Variants in BMP1 observed in about 807,000 individuals in gnomAD.
BMP1 encodes mammalian tolloid protein.
Under a neutral mutation model 116.8 loss-of-function variants are expected in BMP1, and 63 were observed. The observed-to-expected ratio is 0.54, with a 90% CI of 0.44 to 0.67. The LOEUF is 0.67. Among genes scored for constraint, BMP1 ranks in the 30% least tolerant of loss-of-function variants. BMP1 has a pLI of 0.00. For synonymous variants in BMP1, 536 were observed against 533.4 expected (o/e 1.00, Z -0.07); for missense variants, 1,183 against 1,358.9 (o/e 0.87, Z 2.04).
At chr8:22,195,868 C>CA (rs1339869370) in intron 13 of BMP1, among the ~76,000 whole-genome samples, 1 of 152,022 alleles carries the variant, frequency 6.6e-6, no homozygotes, top group East Asian at 1.9e-4. Context: ...AGGCTTGTCT[C>CA]AAACTCCTGG....
chr8:22,173,725 G>A lies in BMP1; in HGVS notation c.262+10G>A. 1.2e-6 allele frequency: 2 copies of A among 1,600,732 alleles called. No individual in the cohort carries two copies. Among genetic ancestry groups the A allele is most frequent in the Non-Finnish European group, 1.7e-6 (2 of 1,171,268 alleles). On this transcript the variant is annotated intron_variant, in intron 2 of 19. Transcript: ENST00000306385. ...TCCATCAAAGCTGCAGGTAAGCCGG[G>A]TGCCAATGGGCCCTCTGTGTCCTAG...
rs117963520 is a variant in BMP1 at position 22,181,560 on chromosome 8, T to C, written c.1077+1077T>C. 6.7e-3 allele frequency among the ~76,000 whole-genome samples: 1,025 copies of C among 152,156 alleles called. 20 individuals are homozygous for C. The East Asian group carries it at 0.076, about 11-fold the overall frequency. On this transcript the variant is annotated intron_variant, in intron 8 of 19. Coordinates refer to ENST00000306385, the MANE Select transcript of BMP1 (RefSeq NM_006129.5). ...CTGTTCTCTAGCCAGCTCTTTTTTTTTTTTTTTCTTGAGACAGAATCTCAC... is the reference window on the plus strand; with the variant it reads ...CTGTTCTCTAGCCAGCTCTTTTTTTCTTTTTTTCTTGAGACAGAATCTCAC...
In BMP1 at chr8:22,211,972, C is replaced by T. The variant is rs563822516; in HGVS notation, c.*244C>T. On this transcript the variant is annotated 3_prime_UTR_variant, in exon 20 of 20. Coordinates refer to ENST00000306385, the MANE Select transcript of BMP1 (RefSeq NM_006129.5). Reference sequence around the variant, plus strand: ...GGAGCAGAGCTTCCACAAGACATTTCGAAGTCATCATTCCTCTCTTAGGGG... The same window carrying T: ...GGAGCAGAGCTTCCACAAGACATTTTGAAGTCATCATTCCTCTCTTAGGGG... 13 of 573,912 alleles carry T rather than the reference C, an allele frequency of 2.3e-5. No individual in the cohort carries two copies. Among genetic ancestry groups the T allele is most frequent in the Middle Eastern group, 4.8e-4 (1 of 2,080 alleles). 35.6% of individuals were successfully genotyped at this position (573,912 alleles called of 1,614,324 possible).
chr8:22,165,926 T>TGTGTGTGTGTGTGG (rs56227111), intron 1 of BMP1, among the ~76,000 whole-genome samples: 1 of 149,492 alleles, frequency 6.7e-6, no homozygotes, highest in African/African-American at 2.5e-5. Context: ...TGTGTGTGTG[T>TGTGTGTGTGTGTGG]TCTTTCCCCT....
chr8:22,187,524 T>G (rs71513867), intron 8 of BMP1, among the ~76,000 whole-genome samples: 6 of 133,510 alleles, frequency 4.5e-5, no homozygotes, highest in African/African-American at 1.8e-4. Context: ...TTTTTTTTTG[T>G]ATTTTTAGTA....
chr8:22,201,416 GGT>G, intron 15 of BMP1: 2 of 1,426,900 alleles, frequency 1.4e-6, no homozygotes, highest in Non-Finnish European at 1.8e-6. Context: ...CCATTTTGAT[GGT>G]GTCTGTGACA....
chr8:22,196,929 G>T lies in BMP1; in HGVS notation c.1926+89G>T, dbSNP rs372074562. 2.3e-4 allele frequency: 333 copies of T among 1,445,858 alleles called. 2 individuals are homozygous for T. In the Middle Eastern group the frequency reaches 5.0e-3, roughly 22 times the overall value. 89.6% of individuals were successfully genotyped at this position (1,445,858 alleles called of 1,614,324 possible). A position where few individuals can be genotyped will look rare whatever the true frequency, so the allele number is the denominator to read the frequency against. ...GCCTGCTTCCTGTCCTCTGAGAGGG[G>T]GCCCGGCAGAAACACTCTGCAAATA... On this transcript the variant is annotated intron_variant, in intron 14 of 19. Coordinates refer to ENST00000306385, the MANE Select transcript of BMP1 (RefSeq NM_006129.5).
At chr8:22,175,105 A>T (rs554552734) in intron 2 of BMP1, among the ~76,000 whole-genome samples, 51 of 152,262 alleles carry the variant, frequency 3.3e-4, no homozygotes, top group African/African-American at 1.2e-3. Context: ...GGCTCATGTG[A>T]CCTTAGTGGG....
intron 15 of BMP1, 43 bp from the exon 16 acceptor site, chr8:22,201,760 C>T (rs374769127): frequency 1.7e-5 from 28 of 1,608,206 alleles, no homozygotes; most frequent in Admixed American, 1.7e-5. Flanking sequence ...CCAACCTCAG[C>T]CCTGCACAGA....
intron 6 of BMP1, 88 bp downstream of exon 6, chr8:22,178,045 G>A (rs1391939301): frequency 4.3e-5 from 49 of 1,128,520 alleles, no homozygotes; most frequent in Non-Finnish European, 6.1e-5. Context: ...CCCACTTCTG[G>A]GGCAGTGACC....
At chr8:22,209,762 C>T (rs986720322) in intron 19 of BMP1, 67 bp downstream of exon 19, 9 of 1,549,518 alleles carry the variant, frequency 5.8e-6, no homozygotes, top group East Asian at 2.3e-5. Flanking sequence ...CCACCCTTCT[C>T]AGCCCAGTCT....
Position 22,165,571 on chromosome 8 carries a change from C to T in BMP1, c.148+18C>T, listed in dbSNP as rs2131830888. The T allele has an allele frequency of 1.3e-6, 2 of 1,569,822 alleles. No individual in the cohort carries two copies. The highest frequency in any genetic ancestry group is 1.7e-6 in the Non-Finnish European group (2 of 1,162,154). ...CAAGGCGGGTGAGCGCCCCCCGGCC[C>T]CCCGGCGACGGGCCAGGCGGGGAGG... is the stretch of plus-strand genomic sequence containing the variant. On this transcript the variant is annotated intron_variant, in intron 1 of 19. Coordinates refer to ENST00000306385, the MANE Select transcript of BMP1 (RefSeq NM_006129.5).
At chr8:22,195,716 A>C in intron 13 of BMP1, 129 bp downstream of exon 13, 1 of 1,291,522 alleles carries the variant, frequency 7.7e-7, no homozygotes, top group Non-Finnish European at 1.0e-6. Context: ...GCTCAATCTT[A>C]GCTCACCATA....
intron 9 of BMP1, 113 bp from the exon 10 acceptor site, chr8:22,193,945 A>G: frequency 1.2e-6 from 1 of 808,808 alleles, no homozygotes; most frequent in Non-Finnish European, 2.1e-6. Flanking sequence ...GGAATGTGTG[A>G]AGTAGGGTGG....
Position 22,194,437 on chromosome 8 carries a change from C to A in BMP1, c.1298-8C>A. The A allele has an allele frequency of 6.2e-7, 1 of 1,613,976 alleles. No individual in the cohort carries two copies. The highest frequency in any genetic ancestry group is 1.7e-5 in the Admixed American group (1 of 60,016). On this transcript the variant is annotated splice_polypyrimidine_tract_variant and splice_region_variant and intron_variant, in intron 10 of 19. Transcript: ENST00000306385. The surrounding 1 kb of genome is among the most constrained non-coding windows in gnomAD (Gnocchi z 4.5). ...CACCCCTTCCCACCCCATCCTGTGT[C>A]CCCACAGCCATCTGCGGGGGTGATG...
At chr8:22,191,572 C>T (rs1225581366) in intron 8 of BMP1, among the ~76,000 whole-genome samples, 1 of 152,186 alleles carries the variant, frequency 6.6e-6, no homozygotes, top group African/African-American at 2.4e-5. Flanking sequence ...CATTGCACTC[C>T]AGCCTGGGTG....
intron 9 of BMP1, 58 bp from the exon 10 acceptor site, chr8:22,194,000 G>A (rs2131882041): frequency 1.4e-6 from 2 of 1,396,214 alleles, no homozygotes; most frequent in Non-Finnish European, 2.0e-6. Context: ...GAGAGGTGGG[G>A]CCTCTATAGG....
intron 13 of BMP1, 181 bp from the exon 14 acceptor site, chr8:22,196,499 T>C (rs1210641256): frequency 3.8e-6 from 3 of 797,300 alleles, no homozygotes. Context: ...GGCCCACCCC[T>C]GAGGACACCC....
At position 22,179,883 on chromosome 8, in the gene BMP1, C is replaced by T; in HGVS notation, c.961+54C>T. The T allele has an allele frequency of 6.4e-7, 1 of 1,554,828 alleles. No individual in the cohort carries two copies. Among genetic ancestry groups the T allele is most frequent in the Non-Finnish European group, 8.8e-7 (1 of 1,142,760 alleles). ...CGTGGAGGGCAGGGCCTGAGGGAGG[C>T]AGAGGCCAGGTGCCTGGTGCCACCA... is the stretch of plus-strand genomic sequence containing the variant. On this transcript the variant is annotated intron_variant, in intron 7 of 19. Transcript: ENST00000306385. The surrounding 1 kb of genome is among the most constrained non-coding windows in gnomAD (Gnocchi z 4.6).
Sources: allele counts gnomAD v4.1 joint callset (sites outside exome capture counted in the v4.1 genomes callset), GRCh38; gene constraint gnomAD v4.1.1; non-coding constraint Gnocchi (gnomAD v3.1); transcripts MANE v1.5; gene names NCBI Gene and HGNC (gene_info 2026-07-23, HGNC 2026-07-21).